LHFPL3: variants seen among roughly 807,000 people sequenced by gnomAD.
LHFPL3 encodes LHFPL tetraspan subfamily member 3.
LHFPL3 carries 5 observed loss-of-function variants against 19.3 expected under a neutral mutation model. That is an observed-to-expected ratio of 0.26 (90% CI 0.14 to 0.54). LHFPL3 has a LOEUF of 0.54. Ranked by LOEUF, LHFPL3 falls within the 20% of genes least tolerant of loss-of-function variation. The pLI, the probability that LHFPL3 is intolerant of heterozygous loss-of-function variation, is 0.94. For missense variants in LHFPL3, 249 were observed against 307.4 expected, an observed-to-expected ratio of 0.81 and a Z score of 1.42; for synonymous variants, 133 against 126.2, an observed-to-expected ratio of 1.05 and a Z score of -0.36.
intron 1 of LHFPL3, among the ~76,000 whole-genome samples, chr7:104,733,824 C>T (rs532997062): frequency 2.0e-5 from 3 of 152,284 alleles, no homozygotes; most frequent in South Asian, 2.1e-4. Flanking sequence ...CATCGATGGG[C>T]TTTACAGTTT....
intron 2 of LHFPL3, 56 bp downstream of exon 2, chr7:104,736,967 C>G (rs1181165443): frequency 1.5e-6 from 2 of 1,350,578 alleles, no homozygotes; most frequent in Non-Finnish European, 2.1e-6. Context: ...AAAAATGGTG[C>G]TCTCCATTCT....
intron 1 of LHFPL3, among the ~76,000 whole-genome samples, chr7:104,676,168 T>C (rs913008620): frequency 6.6e-6 from 1 of 152,250 alleles, no homozygotes; most frequent in Non-Finnish European, 1.5e-5. Flanking sequence ...TTTGCTCCAT[T>C]GCTTTTATGC....
At chr7:104,566,513 A>G (rs971439583) in intron 1 of LHFPL3, among the ~76,000 whole-genome samples, 4 of 152,210 alleles carry the variant, frequency 2.6e-5, no homozygotes, top group African/African-American at 9.6e-5. Flanking sequence ...CTTTTTTAAT[A>G]TTAAAGAGGA....
intron 2 of LHFPL3, among the ~76,000 whole-genome samples, chr7:104,755,587 C>CACACAT (rs1794268403): frequency 6.6e-6 from 1 of 151,748 alleles, no homozygotes; most frequent in Non-Finnish European, 1.5e-5. Flanking sequence ...CACCACCACA[C>CACACAT]ACACACACAC....
At position 104,860,517 on chromosome 7, in the gene LHFPL3, T is replaced by C. The variant is rs1791598569; in HGVS notation, c.683-45670T>C. 2.0e-5 allele frequency among the ~76,000 whole-genome samples: 3 copies of C among 150,348 alleles called. No homozygotes were observed. The South Asian group carries it at 6.3e-4, about 31-fold the overall frequency. ...TTTCCCAGGATAGTCCTCCAAGGGC[T>C]GCCCTGGGGATGCCCCTTAAGGATC... is the stretch of plus-strand genomic sequence containing the variant. On this transcript the variant is annotated intron_variant, in intron 2 of 2. Transcript: ENST00000424859.
chr7:104,657,025 T>A (rs4131017), intron 1 of LHFPL3, among the ~76,000 whole-genome samples: 6,681 of 152,316 alleles, frequency 0.044, 194 homozygotes, highest in East Asian at 0.13. Flanking sequence ...GAAAGGTATT[T>A]CTAAATGCCT....
intron 1 of LHFPL3, among the ~76,000 whole-genome samples, chr7:104,637,220 T>A (rs1454781133): frequency 1.3e-5 from 2 of 152,186 alleles, no homozygotes; most frequent in African/African-American, 4.8e-5. Flanking sequence ...CACTTTTTAA[T>A]GGGGTTGTTT....
At position 104,573,280 on chromosome 7, in the gene LHFPL3, C is replaced by T. The variant is rs140754479; in HGVS notation, c.446-163395C>T. 6.5e-3 allele frequency among the ~76,000 whole-genome samples: 985 copies of T among 151,868 alleles called. 14 individuals carry two copies. Among genetic ancestry groups the T allele is most frequent in the African/African-American group, 0.022 (901 of 41,450 alleles). ...ATACAAAAATTAGCCGGCATAGTGG[C>T]GGGCACCTGTAATCCTAGCTACTGG... On this transcript the variant is annotated intron_variant, in intron 1 of 2. Coordinates refer to ENST00000424859, the MANE Select transcript of LHFPL3 (RefSeq NM_199000.3).
intron 1 of LHFPL3, among the ~76,000 whole-genome samples, chr7:104,706,275 C>T (rs1374890534): frequency 2.9e-5 from 4 of 140,042 alleles, no homozygotes; most frequent in Non-Finnish European, 6.4e-5. Flanking sequence ...CACCTGCTGC[C>T]AGCCAGTGTC....
chr7:104,507,398 T>C (rs1224247065), intron 1 of LHFPL3, among the ~76,000 whole-genome samples: 2 of 144,880 alleles, frequency 1.4e-5, no homozygotes, highest in Non-Finnish European at 3.0e-5. Context: ...GAAAACTGGC[T>C]AGCCATATGT....
At chr7:104,387,455 C>G (rs1440390887) in intron 1 of LHFPL3, among the ~76,000 whole-genome samples, 1 of 151,864 alleles carries the variant, frequency 6.6e-6, no homozygotes. Flanking sequence ...TTTGAGCTGA[C>G]AGAAGAAAGA....
chr7:104,863,408 C>T (rs544435194), intron 2 of LHFPL3, among the ~76,000 whole-genome samples: 1 of 152,260 alleles, frequency 6.6e-6, no homozygotes, highest in South Asian at 2.1e-4. Context: ...CAGTTTAAGC[C>T]TCTGGGTTTT....
intron 1 of LHFPL3, among the ~76,000 whole-genome samples, chr7:104,628,455 T>C (rs1185881639): frequency 6.6e-6 from 1 of 152,028 alleles, no homozygotes; most frequent in East Asian, 1.9e-4. Flanking sequence ...AGTCAAATGC[T>C]CAGTGATTTT....
At chr7:104,384,184 G>A (rs1021251285) in intron 1 of LHFPL3, among the ~76,000 whole-genome samples, 3 of 152,124 alleles carry the variant, frequency 2.0e-5, no homozygotes, top group African/African-American at 7.2e-5. Flanking sequence ...GGAAGAGCTA[G>A]GGAGTAAGCA....
chr7:104,599,646 G>A (rs1306976309), intron 1 of LHFPL3, among the ~76,000 whole-genome samples: 2 of 152,234 alleles, frequency 1.3e-5, no homozygotes, highest in African/African-American at 2.4e-5. Flanking sequence ...ATAGATGACC[G>A]ACACATCAGA....
At chr7:104,443,496 G>T (rs1369977863) in intron 1 of LHFPL3, among the ~76,000 whole-genome samples, 1 of 152,194 alleles carries the variant, frequency 6.6e-6, no homozygotes, top group Non-Finnish European at 1.5e-5. Context: ...TTAGGCAAAT[G>T]CTTCAGGAAT....
intron 1 of LHFPL3, among the ~76,000 whole-genome samples, chr7:104,728,183 C>T (rs78457340): frequency 6.6e-6 from 1 of 152,164 alleles, no homozygotes; most frequent in South Asian, 2.1e-4. Flanking sequence ...CTTGTCACCC[C>T]TCTTGGTCTC....
intron 1 of LHFPL3, among the ~76,000 whole-genome samples, chr7:104,730,547 T>G (rs555330495): frequency 9.8e-5 from 15 of 152,348 alleles, no homozygotes; most frequent in Middle Eastern, 3.4e-3. Context: ...TGTCTTCTTT[T>G]GAGAAGTGTC....
intron 1 of LHFPL3, among the ~76,000 whole-genome samples, chr7:104,400,408 G>A (rs1466678092): frequency 6.6e-6 from 1 of 152,076 alleles, no homozygotes; most frequent in Admixed American, 6.6e-5. Context: ...ATCCTATTTG[G>A]TAGGTCAATT....
Sources: gnomAD v4.1 joint callset for allele counts (sites outside exome capture counted in the v4.1 genomes callset) on GRCh38, gnomAD v4.1.1 for gene constraint, MANE v1.5 for transcripts, NCBI Gene and HGNC (gene_info 2026-07-23, HGNC 2026-07-21) for gene names.